Variants in SPHKAP observed in about 807,000 individuals in gnomAD.
SPHKAP encodes the protein A-kinase anchor protein SPHKAP.
SPHKAP carries 67 observed loss-of-function variants against 137.5 expected under a neutral mutation model. The observed-to-expected ratio is 0.49, with a 90% confidence interval of 0.40 to 0.60. SPHKAP has a LOEUF of 0.60. Among genes scored for constraint, SPHKAP ranks in the 20% least tolerant of loss-of-function variants. The probability of loss-of-function intolerance (pLI) is 0.00; values close to 1 mark genes in which losing one functional copy is unlikely to be tolerated. For synonymous variants in SPHKAP, 813 were observed against 785.3 expected, an observed-to-expected ratio of 1.04 and a Z score of -0.59; for missense variants, 2,097 against 2,069.3, an observed-to-expected ratio of 1.01 and a Z score of -0.26.
intron 3 of SPHKAP, among the ~76,000 whole-genome samples, chr2:228,055,917 G>A (rs1696422863): frequency 6.6e-6 from 1 of 152,220 alleles, no homozygotes. Context: ...GATCCCAGGG[G>A]TGAGAAATGG....
chr2:228,003,093 A>C (rs1462502707), intron 7 of SPHKAP, among the ~76,000 whole-genome samples: 1 of 152,136 alleles, frequency 6.6e-6, no homozygotes, highest in East Asian at 1.9e-4. Context: ...AGTTTTTTCC[A>C]ATCTGTGAAG....
chr2:228,026,804 T>A (rs1035802802), intron 4 of SPHKAP, among the ~76,000 whole-genome samples: 2 of 152,226 alleles, frequency 1.3e-5, no homozygotes, highest in Non-Finnish European at 2.9e-5. Flanking sequence ...AATATGGGAA[T>A]AACTGTCAGT....
intron 1 of SPHKAP, among the ~76,000 whole-genome samples, chr2:228,144,552 AT>A (rs1487527547): frequency 9.9e-5 from 15 of 151,846 alleles, no homozygotes; most frequent in Non-Finnish European, 2.2e-4. Flanking sequence ...CCCTTTCTAT[AT>A]TTTTTATATA....
intron 2 of SPHKAP, among the ~76,000 whole-genome samples, chr2:228,119,471 A>ACACTCT (rs974795452): frequency 6.7e-6 from 1 of 148,462 alleles, no homozygotes; most frequent in African/African-American, 2.5e-5. Context: ...ACACACACAC[A>ACACTCT]CTCTCTCTCT....
intron 3 of SPHKAP, among the ~76,000 whole-genome samples, chr2:228,107,142 C>G (rs1698368171): frequency 6.6e-6 from 1 of 151,908 alleles, no homozygotes; most frequent in Non-Finnish European, 1.5e-5. Context: ...CATATTGCTA[C>G]TAGTTATCGT....
chr2:228,080,285 CAAAT>C (rs1697321116), intron 3 of SPHKAP, among the ~76,000 whole-genome samples: 1 of 152,086 alleles, frequency 6.6e-6, no homozygotes, highest in Non-Finnish European at 1.5e-5. Context: ...AGTAAGAAAA[CAAAT>C]AACCCAATTT....
chr2:227,991,896 GTTTTTC>G, intron 9 of SPHKAP: 1 of 240,714 alleles, frequency 4.2e-6, no homozygotes, highest in Non-Finnish European at 6.7e-6. Flanking sequence ...CACAATTAAA[GTTTTTC>G]TTTTTCTTTC....
chr2:228,024,160 T>G (rs1221802440), intron 5 of SPHKAP, among the ~76,000 whole-genome samples: 1 of 152,180 alleles, frequency 6.6e-6, no homozygotes, highest in Non-Finnish European at 1.5e-5. Flanking sequence ...TAAGCTTATT[T>G]TCTGCCATGT....
chr2:228,044,808 G>A (rs1207081217), intron 3 of SPHKAP, among the ~76,000 whole-genome samples: 1 of 152,132 alleles, frequency 6.6e-6, no homozygotes, highest in Non-Finnish European at 1.5e-5. Context: ...GAGTGAACAG[G>A]CAATCTACAG....
chr2:228,077,925 G>A (rs1559161057), intron 3 of SPHKAP, among the ~76,000 whole-genome samples: 2 of 152,152 alleles, frequency 1.3e-5, no homozygotes, highest in Admixed American at 6.5e-5. Flanking sequence ...TTGAATTATG[G>A]GAGCGGGTCT....
At chr2:228,066,617 G>A (rs1434030299) in intron 3 of SPHKAP, among the ~76,000 whole-genome samples, 2 of 152,196 alleles carry the variant, frequency 1.3e-5, no homozygotes. Context: ...GGCTGCGTGG[G>A]GGCAGTGGAG....
At position 228,181,426 on chromosome 2, in the gene SPHKAP, T is replaced by C. The variant is rs111715093; in HGVS notation, c.32+141A>G. ...CTCCAGCGAGGCTGGGCCGGACTTA[T>C]TTACAAGTGCAGTGACCCCTGTCTC... On this transcript the variant is annotated intron_variant, in intron 1 of 11. Transcript: ENST00000392056. This position sits in a 1 kb window ranked among gnomAD's most constrained non-coding sequence, Gnocchi z 4.3. The C allele has an allele frequency of 4.9e-5, 58 of 1,192,634 alleles. 2 individuals carry two copies. Among genetic ancestry groups the C allele is most frequent in the Middle Eastern group, 3.9e-4 (2 of 5,104 alleles). The allele number at this position is 1,192,634 out of a possible 1,614,324, so 73.9% of individuals were successfully genotyped here.
At chr2:228,176,633 G>A (rs1700749509) in intron 1 of SPHKAP, among the ~76,000 whole-genome samples, 1 of 152,172 alleles carries the variant, frequency 6.6e-6, no homozygotes, top group Non-Finnish European at 1.5e-5. Flanking sequence ...CCAACACTTC[G>A]GGAGGCCAGG....
intron 2 of SPHKAP, among the ~76,000 whole-genome samples, chr2:228,118,240 G>GTTTTTT (rs71299665): frequency 8.1e-6 from 1 of 124,146 alleles, no homozygotes; most frequent in African/African-American, 3.0e-5. Context: ...GAGATACACA[G>GTTTTTT]TTTTTTTTTT....
chr2:228,008,220 C>T (rs1044931678), intron 7 of SPHKAP, among the ~76,000 whole-genome samples: 7 of 151,622 alleles, frequency 4.6e-5, no homozygotes, highest in Non-Finnish European at 1.0e-4. Flanking sequence ...ATAGATTGTG[C>T]CTTTGGTGTA....
chr2:228,155,299 T>G (rs1335240603), intron 1 of SPHKAP, among the ~76,000 whole-genome samples: 2 of 152,030 alleles, frequency 1.3e-5, no homozygotes, highest in African/African-American at 4.8e-5. Flanking sequence ...ATTAATAAAG[T>G]AATTGAGTAA....
intron 3 of SPHKAP, among the ~76,000 whole-genome samples, chr2:228,045,593 T>G (rs13025935): frequency 0.38 from 57,576 of 151,232 alleles, 11,412 homozygotes; most frequent in South Asian, 0.51. Context: ...CAGCGGGGAC[T>G]GTTGCGGGAT....
Position 227,981,835 on chromosome 2 carries a change from T to C in SPHKAP, c.4985A>G (p.His1662Arg), listed in dbSNP as rs1279836462. The C allele has an allele frequency of 1.2e-6, 2 of 1,613,502 alleles. No individual in the cohort carries two copies. Among genetic ancestry groups the C allele is most frequent in the Non-Finnish European group, 1.7e-6 (2 of 1,179,722 alleles). The change falls in exon 12 of 12, where the codon CAT (histidine) becomes CGT (arginine). Residue 1662 changes from histidine (H) to arginine (R), a missense_variant. Coordinates refer to ENST00000392056, the MANE Select transcript of SPHKAP (RefSeq NM_001142644.2). ...ATCACCCACTTTCCAGGACTTCCGA[T>C]GAACCAGCTGCACGACATCTAGAAA... ...EKFLDVVQLV[H>R]RKSWKVGDIF...
intron 3 of SPHKAP, among the ~76,000 whole-genome samples, chr2:228,102,981 G>A (rs1002492185): frequency 6.6e-6 from 1 of 152,168 alleles, no homozygotes; most frequent in South Asian, 2.1e-4. Context: ...CTGGGCTCAA[G>A]CAATCCTTCT....
Sources: allele counts gnomAD v4.1 joint callset (sites outside exome capture counted in the v4.1 genomes callset), GRCh38; gene constraint gnomAD v4.1.1; non-coding constraint Gnocchi (gnomAD v3.1); transcripts MANE v1.5; gene names NCBI Gene and HGNC (gene_info 2026-07-23, HGNC 2026-07-21).